The following CARMIL1 variants were observed in gnomAD, a reference collection of about 807,000 sequenced individuals.
CARMIL1 encodes the protein F-actin-uncapping protein LRRC16A.
Under a neutral mutation model 177.1 loss-of-function variants are expected in CARMIL1, and 90 were observed. The ratio of observed to expected loss-of-function variants is 0.51; its 90% CI spans 0.43 to 0.61. CARMIL1 has a LOEUF of 0.61. Among genes scored for constraint, CARMIL1 ranks in the 20% least tolerant of loss-of-function variants. The pLI is 0.00. For synonymous variants in CARMIL1, 577 were observed against 606.2 expected (o/e 0.95, Z 0.71); for missense variants, 1,380 against 1,667.0 (o/e 0.83, Z 3.00).
intron 35 of CARMIL1, among the ~76,000 whole-genome samples, chr6:25,607,648 A>G (rs7383628): frequency 0.29 from 43,869 of 152,098 alleles, 6,402 homozygotes; most frequent in Non-Finnish European, 0.3. Flanking sequence ...TAATTTATCA[A>G]TGTGCAGATG....
chr6:25,451,320 G>A (rs1261528013), intron 8 of CARMIL1, among the ~76,000 whole-genome samples: 2 of 151,958 alleles, frequency 1.3e-5, no homozygotes, highest in African/African-American at 4.8e-5. Context: ...ATAAAATGTA[G>A]TATTATTTTA....
At chr6:25,296,576 G>T (rs1782379188) in intron 2 of CARMIL1, among the ~76,000 whole-genome samples, 1 of 152,176 alleles carries the variant, frequency 6.6e-6, no homozygotes, top group Non-Finnish European at 1.5e-5. Context: ...TGAGAACCTT[G>T]CAAGGTTCTT....
At chr6:25,319,425 C>T (rs1383976487) in intron 2 of CARMIL1, among the ~76,000 whole-genome samples, 2 of 151,968 alleles carry the variant, frequency 1.3e-5, no homozygotes, top group East Asian at 1.9e-4. Flanking sequence ...AAGCCATGCC[C>T]TTTGATATTA....
At chr6:25,572,768 G>A (rs1812215884) in intron 29 of CARMIL1, among the ~76,000 whole-genome samples, 1 of 147,938 alleles carries the variant, frequency 6.8e-6, no homozygotes, top group African/African-American at 2.5e-5. Flanking sequence ...CCATGAGGAA[G>A]TTTTTGTCTG....
At chr6:25,584,417 A>G (rs1813452596) in intron 31 of CARMIL1, among the ~76,000 whole-genome samples, 1 of 147,490 alleles carries the variant, frequency 6.8e-6, no homozygotes, top group Non-Finnish European at 1.5e-5. Context: ...TGCATACTAG[A>G]TATTGCAAGG....
chr6:25,494,079 T>C (rs1014108007), intron 15 of CARMIL1, among the ~76,000 whole-genome samples: 5 of 146,932 alleles, frequency 3.4e-5, no homozygotes, highest in Non-Finnish European at 7.5e-5. Context: ...TCTCTATACA[T>C]TAAATATTAT....
At chr6:25,483,171 GC>G in intron 12 of CARMIL1, among the ~76,000 whole-genome samples, 1 of 152,104 alleles carries the variant, frequency 6.6e-6, no homozygotes, top group African/African-American at 2.4e-5. Context: ...TGTGGCCTGT[GC>G]TTCTCTCTAT....
At chr6:25,500,701 A>G (rs547432889) in intron 17 of CARMIL1, among the ~76,000 whole-genome samples, 71 of 152,086 alleles carry the variant, frequency 4.7e-4, no homozygotes, top group African/African-American at 1.7e-3. Flanking sequence ...AAGTATAGCA[A>G]TTTCAAATAC....
chr6:25,279,624 TTG>T lies in CARMIL1; in HGVS notation c.-171_-170del. The T allele has an allele frequency of 2.7e-5, 17 of 618,706 alleles. No homozygotes were observed. The highest frequency in any genetic ancestry group is 4.0e-5 in the South Asian group (2 of 50,048). The allele number at this position is 618,706 out of a possible 1,614,324, so 38.3% of individuals were successfully genotyped here. A position where few individuals can be genotyped will look rare whatever the true frequency, so the allele number is the denominator to read the frequency against. On this transcript the variant is annotated 5_prime_UTR_variant, in exon 1 of 37. Coordinates refer to ENST00000329474, the MANE Select transcript of CARMIL1 (RefSeq NM_017640.6). ...GCATTTGCAACTCTTTTTTTTTTTTTTGGTGGGGCGGGGGGCGCGCGGCAAAA... is the reference window on the plus strand; with the variant it reads ...GCATTTGCAACTCTTTTTTTTTTTTTGTGGGGCGGGGGGCGCGCGGCAAAA...
intron 2 of CARMIL1, among the ~76,000 whole-genome samples, chr6:25,392,898 A>T (rs2150545266): frequency 1.3e-5 from 2 of 152,234 alleles, no homozygotes; most frequent in Middle Eastern, 6.8e-3. Context: ...TGGGAAAAAA[A>T]AAACAACAGT....
At chr6:25,459,278 T>TCTTCCTTTCTTCC (rs1193571469) in intron 8 of CARMIL1, among the ~76,000 whole-genome samples, 1 of 41,980 alleles carries the variant, frequency 2.4e-5, no homozygotes, top group Non-Finnish European at 5.6e-5. Context: ...TTTTTTTTTT[T>TCTTCCTTTCTTCC]TTAAGACAGG....
At chr6:25,541,515 A>G (rs1392198330) in intron 26 of CARMIL1, among the ~76,000 whole-genome samples, 2 of 152,222 alleles carry the variant, frequency 1.3e-5, no homozygotes, top group African/African-American at 4.8e-5. Flanking sequence ...TTAGTCAAAT[A>G]GTATTATACT....
At chr6:25,602,156 C>A (rs1209136433) in intron 33 of CARMIL1, among the ~76,000 whole-genome samples, 1 of 152,174 alleles carries the variant, frequency 6.6e-6, no homozygotes, top group African/African-American at 2.4e-5. Flanking sequence ...CCAACATCAA[C>A]ATTATTTAGC....
At chr6:25,320,577 G>A (rs1784599302) in intron 2 of CARMIL1, among the ~76,000 whole-genome samples, 1 of 152,210 alleles carries the variant, frequency 6.6e-6, no homozygotes, top group African/African-American at 2.4e-5. Context: ...AAATGGTGTG[G>A]TTTGAGTTGG....
In CARMIL1 at chr6:25,383,897, G is replaced by A. The variant is rs139446235; in HGVS notation, c.139-36217G>A. Among the ~76,000 whole-genome samples, 224 of 152,188 alleles carry A rather than the reference G, an allele frequency of 1.5e-3. 1 individual carries two copies. The highest frequency in any genetic ancestry group is 5.1e-3 in the African/African-American group (211 of 41,494). ...TCTGTCGCCCAGGCTAGAGTGCAGT[G>A]GTGTGATCTTGGCTCACTGCAACCT... On this transcript the variant is annotated intron_variant, in intron 2 of 36. Coordinates refer to ENST00000329474, the MANE Select transcript of CARMIL1 (RefSeq NM_017640.6).
chr6:25,495,446 A>G (rs1442843386), intron 16 of CARMIL1, among the ~76,000 whole-genome samples: 1 of 152,062 alleles, frequency 6.6e-6, no homozygotes, highest in Non-Finnish European at 1.5e-5. Context: ...CCTTGGCAGG[A>G]GTCACTGATC....
At chr6:25,412,298 G>A (rs938065808) in intron 2 of CARMIL1, among the ~76,000 whole-genome samples, 3 of 152,252 alleles carry the variant, frequency 2.0e-5, no homozygotes, top group Non-Finnish European at 4.4e-5. Flanking sequence ...AGAGAGCCTG[G>A]TGCAGTGGCT....
chr6:25,464,444 G>C (rs1318848707), intron 8 of CARMIL1, among the ~76,000 whole-genome samples: 1 of 152,176 alleles, frequency 6.6e-6, no homozygotes, highest in Non-Finnish European at 1.5e-5. Flanking sequence ...GTTGTTTTGA[G>C]ATTTAAATGA....
At chr6:25,461,264 A>C (rs1303350708) in intron 8 of CARMIL1, among the ~76,000 whole-genome samples, 2 of 152,200 alleles carry the variant, frequency 1.3e-5, no homozygotes, top group African/African-American at 4.8e-5. Context: ...TTTCTGTTCG[A>C]AAGTTTTCTA....
Sources: gnomAD v4.1 joint callset for allele counts (sites outside exome capture counted in the v4.1 genomes callset) on GRCh38, gnomAD v4.1.1 for gene constraint, MANE v1.5 for transcripts, NCBI Gene and HGNC (gene_info 2026-07-23, HGNC 2026-07-21) for gene names.